Variants in MFGE8 observed in about 807,000 individuals in gnomAD.
MFGE8 encodes milk fat globule EGF and factor V/VIII domain containing.
Under a neutral mutation model 42.6 loss-of-function variants are expected in MFGE8, and 34 were observed. The ratio of observed to expected loss-of-function variants is 0.80; its 90% CI spans 0.61 to 1.06. MFGE8 has a LOEUF of 1.06. MFGE8 is among the 50% of genes least tolerant of loss of function. MFGE8 has a pLI of 0.00. For synonymous variants in MFGE8, 230 were observed against 214.8 expected (o/e 1.07, Z -0.62); for missense variants, 510 against 516.9 (o/e 0.99, Z 0.13).
At position 88,901,702 on chromosome 15, in the gene MFGE8, C is replaced by CTGT. The variant is rs534125149; in HGVS notation, c.716_718dup (p.Asn239dup). The CTGT allele has an allele frequency of 1.5e-3, 2,458 of 1,613,876 alleles. 37 individuals carry two copies. The highest frequency in any genetic ancestry group is 5.8e-3 in the East Asian group (261 of 44,864). On this transcript the variant is annotated inframe_insertion, in exon 6 of 8. Coordinates refer to ENST00000268150, the MANE Select transcript of MFGE8 (RefSeq NM_005928.4). ...GGCCGTGATCTGCTTGTCAGGGATGCTGTTATTCTTCAGGCCCAGGGGATT... is the reference window on the plus strand; with the variant it reads ...GGCCGTGATCTGCTTGTCAGGGATGCTGTTGTTATTCTTCAGGCCCAGGGGATT...
rs775656880 is a variant in MFGE8, at chr15:88,906,567, T to A, written c.540+59A>T. The A allele has an allele frequency of 6.2e-7, 1 of 1,605,096 alleles. No homozygotes were observed. The highest frequency in any genetic ancestry group is 1.1e-5 in the South Asian group (1 of 90,344). On this transcript the variant is annotated intron_variant, in intron 4 of 7. Transcript: ENST00000268150. The surrounding 1 kb of genome is among the most constrained non-coding windows in gnomAD (Gnocchi z 4.2). ...GGACTCGCTGGGGGTCCTCAGTCAA[T>A]GCTAGAACCTTAGGGGGTATGGACC...
intron 1 of MFGE8, chr15:88,911,229 G>T (rs74029399): frequency 0.042 from 6,378 of 152,538 alleles, 399 homozygotes; most frequent in African/African-American, 0.14. Context: ...GCTTCTGGAT[G>T]GGAACCTGGA....
chr15:88,912,760 T>C (rs1899027027), intron 1 of MFGE8: 3 of 985,300 alleles, frequency 3.0e-6, no homozygotes, highest in Non-Finnish European at 3.6e-6. Flanking sequence ...CCTTCCCTTA[T>C]GTGACCAGGC....
Position 88,906,645 on chromosome 15 carries a change from T to G in MFGE8, c.521A>C (p.Asp174Ala), listed in dbSNP as rs999684032. 6.2e-7 allele frequency: 1 copy of G among 1,614,050 alleles called. No homozygotes were observed. The highest frequency in any genetic ancestry group is 1.7e-5 in the Admixed American group (1 of 60,014). ...ACCTACCTTGTGTTTTTTATTAACA[T>G]CATGGATGAAATCGAATTCGTGTCC... ...LNGHEFDFIH[D>A]VNKKHKEFVG... The change falls in exon 4 of 8, where the codon GAT becomes GCT. Residue 174 changes from aspartate to alanine, a missense_variant. Physicochemically the swap from Asp to Ala is moderately radical, Grantham distance 126. Coordinates refer to ENST00000268150, the MANE Select transcript of MFGE8 (RefSeq NM_005928.4). The surrounding 1 kb of genome is among the most constrained non-coding windows in gnomAD (Gnocchi z 4.2).
At position 88,901,631 on chromosome 15, in the gene MFGE8, G is replaced by T. The variant is rs749390082; in HGVS notation, c.790C>A (p.Pro264Thr). The T allele has an allele frequency of 6.2e-7, 1 of 1,613,892 alleles. No homozygotes were observed. The highest frequency in any genetic ancestry group is 2.2e-5 in the East Asian group (1 of 44,858). ...TWGLHLFSWN[P>T]SYARLDKQGN... ...TGCTTGTCCAGCCGTGCATAGGAGG[G>T]GTTCCAGCTGAAGAGATGCAAGCCC... is the stretch of plus-strand genomic sequence containing the variant. Residue 264 changes from proline (P) to threonine (T), a missense_variant, in exon 6 of 8, where the codon CCC becomes ACC. Pro to Thr is a conservative substitution (Grantham distance 38). Transcript: ENST00000268150.
Position 88,899,795 on chromosome 15 carries a change from G to A in MFGE8, c.887C>T (p.Ser296Leu), listed in dbSNP as rs753366213. The A allele has an allele frequency of 9.9e-6, 16 of 1,613,824 alleles. No homozygotes were observed. The highest frequency in any genetic ancestry group is 4.0e-5 in the African/African-American group (3 of 74,900). ...DQWLQVDLGSSKEVTGIITQG... is the reference protein window; with the variant it reads ...DQWLQVDLGSLKEVTGIITQG... ...GGTGATGATGCCTGTCACCTCCTTC[G>A]AGGAGCCCAGGTCCACCTACAGAAG... Residue 296 changes from serine to leucine, a missense_variant, in exon 7 of 8, where the codon TCG becomes TTG. Ser to Leu is a moderately radical substitution (Grantham distance 145). Coordinates refer to ENST00000268150, the MANE Select transcript of MFGE8 (RefSeq NM_005928.4). This position sits in a 1 kb window ranked among gnomAD's most constrained non-coding sequence, Gnocchi z 6.8.
chr15:88,912,670 C>T, intron 1 of MFGE8: 1 of 985,366 alleles, frequency 1.0e-6, no homozygotes. Context: ...GCAGGCAGCC[C>T]TCTTCCAAGC....
chr15:88,909,756 G>A (rs143704933), intron 2 of MFGE8, 36 bp downstream of exon 2: 2 of 1,612,950 alleles, frequency 1.2e-6, no homozygotes, highest in East Asian at 2.2e-5. Flanking sequence ...AGGGTCTACT[G>A]CTAGAAACAG....
At chr15:88,910,922 A>G (rs1301793190) in intron 1 of MFGE8, 1 of 152,188 alleles carries the variant, frequency 6.6e-6, no homozygotes, top group East Asian at 1.9e-4. Flanking sequence ...AAAATAAAAA[A>G]CAAGAAACAA....
In MFGE8 at chr15:88,905,728, G is replaced by A. The variant is rs1401569704; in HGVS notation, c.685+29C>T. ...CCACCTCCTAGGATTGGCCAACAGT[G>A]CCCCCCTACCCGCACCCCCAGCACT... On this transcript the variant is annotated intron_variant, in intron 5 of 7. Transcript: ENST00000268150. This position sits in a 1 kb window ranked among gnomAD's most constrained non-coding sequence, Gnocchi z 6.6. 4 of 1,613,456 alleles carry A rather than the reference G, an allele frequency of 2.5e-6. No homozygotes were observed. In the African/African-American group the frequency reaches 4.0e-5, roughly 16 times the overall value.
At chr15:88,900,807 C>T in intron 6 of MFGE8, 1 of 941,420 alleles carries the variant, frequency 1.1e-6, no homozygotes, top group Non-Finnish European at 1.3e-6. Flanking sequence ...TTCTTAGACA[C>T]TGAGTCAGAG....
intron 1 of MFGE8, among the ~76,000 whole-genome samples, chr15:88,911,381 C>T (rs1898947585): frequency 6.6e-6 from 1 of 152,142 alleles, no homozygotes; most frequent in Non-Finnish European, 1.5e-5. Context: ...AGAAGGGCTG[C>T]CCCAGACCCT....
In MFGE8 at chr15:88,901,114, CAT is replaced by C. The variant is rs368606218; in HGVS notation, c.870+435_870+436del. On this transcript the variant is annotated intron_variant, in intron 6 of 7. Transcript: ENST00000268150. ...ACACATTCACAAATACACATTCACA[CAT>C]ACACATTCACACACACACATTCACA... Among the ~76,000 whole-genome samples, 415 of 103,778 alleles carry C rather than the reference CAT, an allele frequency of 4.0e-3. 48 individuals are homozygous for C. Among genetic ancestry groups the C allele is most frequent in the African/African-American group, 0.012 (381 of 32,168 alleles). The allele number at this position is 103,778 out of a possible 152,430, so 68.1% of individuals were successfully genotyped here.
In MFGE8 at chr15:88,906,482, T is replaced by C; in HGVS notation, c.540+144A>G. 1 of 934,504 alleles carries C rather than the reference T, an allele frequency of 1.1e-6. No homozygotes were observed. The highest frequency in any genetic ancestry group is 1.7e-6 in the Non-Finnish European group (1 of 576,384). The allele number at this position is 934,504 out of a possible 1,614,324, so 57.9% of individuals were successfully genotyped here. On this transcript the variant is annotated intron_variant, in intron 4 of 7. Coordinates refer to ENST00000268150, the MANE Select transcript of MFGE8 (RefSeq NM_005928.4). This position sits in a 1 kb window ranked among gnomAD's most constrained non-coding sequence, Gnocchi z 4.2. ...CATGGACACAGTCTGGGTTTCCCAA[T>C]TTCTAGAAGCCAAGATGCACCCGAA... is the stretch of plus-strand genomic sequence containing the variant.
chr15:88,906,253 G>A lies in MFGE8; in HGVS notation c.541-352C>T. ...AATTTTCTGACAGAGTTCCACAAAT[G>A]TACAATGCCTGTACTGTGAATGGTG... On this transcript the variant is annotated intron_variant, in intron 4 of 7. Transcript: ENST00000268150. This position sits in a 1 kb window ranked among gnomAD's most constrained non-coding sequence, Gnocchi z 4.2. 1 of 455,104 alleles carries A rather than the reference G, an allele frequency of 2.2e-6. No homozygotes were observed. The allele number at this position is 455,104 out of a possible 1,614,324, so 28.2% of individuals were successfully genotyped here. A position where few individuals can be genotyped will look rare whatever the true frequency, so the allele number is the denominator to read the frequency against.
In MFGE8 at chr15:88,905,833, C is replaced by A; in HGVS notation, c.609G>T (p.Gln203His). 6.2e-7 allele frequency: 1 copy of A among 1,614,234 alleles called. No homozygotes were observed. Residue 203 changes from glutamine to histidine, a missense_variant, in exon 5 of 8, where the codon CAG (glutamine) becomes CAT (histidine). Physicochemically the swap from Gln to His is conservative, Grantham distance 24. Transcript: ENST00000268150. This position sits in a 1 kb window ranked among gnomAD's most constrained non-coding sequence, Gnocchi z 6.6. ...VNLFETPVEA[Q>H]YVRLYPTSCH... is the part of the protein sequence containing the mutation. ...AGCTCGTGGGGTACAATCTCACGTA[C>A]TGAGCCTCCACAGGGGTCTCAAACA... is the stretch of plus-strand genomic sequence containing the variant.
intron 2 of MFGE8, 147 bp from the exon 3 acceptor site, chr15:88,907,523 A>G (rs1238588725): frequency 2.6e-6 from 2 of 775,960 alleles, no homozygotes; most frequent in South Asian, 1.5e-5. Context: ...CAGAACAAAG[A>G]CCACAAAGGG....
chr15:88,901,511 C>CCCCCA, intron 6 of MFGE8, 40 bp downstream of exon 6: 2 of 908,660 alleles, frequency 2.2e-6, no homozygotes, highest in Admixed American at 1.8e-5. Context: ...CACCTCATCC[C>CCCCCA]ACCCAACCCC....
In MFGE8 at chr15:88,906,637, T is replaced by A. The variant is rs1187467545; in HGVS notation, c.529A>T (p.Lys177Ter). ...CCAACAAGACCTACCTTGTGTTTTT[T>A]ATTAACATCATGGATGAAATCGAAT... Reference protein sequence around the residue: ...HEFDFIHDVNKKHKEFVGNWN... With the variant: ...HEFDFIHDVN Residue 177 changes from lysine (K) to a stop codon, truncating the protein, a stop_gained, in exon 4 of 8, where the codon AAA (lysine) becomes TAA (stop). Transcript: ENST00000268150. LOFTEE classifies it high-confidence loss of function. This position sits in a 1 kb window ranked among gnomAD's most constrained non-coding sequence, Gnocchi z 4.2. The A allele has an allele frequency of 1.9e-6, 3 of 1,614,058 alleles. No homozygotes were observed. The highest frequency in any genetic ancestry group is 2.5e-6 in the Non-Finnish European group (3 of 1,179,994).
Sources: allele counts gnomAD v4.1 joint callset (sites outside exome capture counted in the v4.1 genomes callset), GRCh38; gene constraint gnomAD v4.1.1; non-coding constraint Gnocchi (gnomAD v3.1); transcripts MANE v1.5; gene names NCBI Gene and HGNC (gene_info 2026-07-23, HGNC 2026-07-21).